NALF1: variants seen among roughly 807,000 people sequenced by gnomAD.
NALF1 encodes the protein NALCN channel auxiliary factor 1.
In NALF1, 3 loss-of-function variants were observed where a neutral mutation model predicts 48.4. That is an observed-to-expected ratio of 0.06 (90% confidence interval 0.03 to 0.16). The LOEUF is 0.16. NALF1 is among the 10% of genes least tolerant of loss of function. NALF1 has a pLI of 1.00. For synonymous variants in NALF1, 262 were observed against 245.7 expected (o/e 1.07, Z -0.62); for missense variants, 526 against 571.5 (o/e 0.92, Z 0.81).
intron 2 of NALF1, among the ~76,000 whole-genome samples, chr13:107,201,819 C>A (rs1028282862): frequency 1.3e-5 from 2 of 152,108 alleles, no homozygotes; most frequent in African/African-American, 4.8e-5. Flanking sequence ...AAAGACATCT[C>A]CCTCACTCCC....
At chr13:107,783,626 G>C (rs990484134) in intron 1 of NALF1, among the ~76,000 whole-genome samples, 8 of 152,098 alleles carry the variant, frequency 5.3e-5, no homozygotes, top group Non-Finnish European at 1.0e-4. Context: ...GATTAAGGGC[G>C]GTGCAAGATG....
intron 1 of NALF1, among the ~76,000 whole-genome samples, chr13:107,670,174 T>C (rs1457104526): frequency 6.6e-6 from 1 of 152,120 alleles, no homozygotes; most frequent in Non-Finnish European, 1.5e-5. Flanking sequence ...GGTGAATTCA[T>C]TATACAGAAG....
intron 1 of NALF1, among the ~76,000 whole-genome samples, chr13:107,724,784 T>C (rs1876101402): frequency 6.6e-6 from 1 of 152,162 alleles, no homozygotes; most frequent in African/African-American, 2.4e-5. Flanking sequence ...TGTCACCATG[T>C]TGCCCAGGCT....
At chr13:107,325,760 G>T (rs1365060377) in intron 1 of NALF1, among the ~76,000 whole-genome samples, 1 of 149,650 alleles carries the variant, frequency 6.7e-6, no homozygotes, top group Non-Finnish European at 1.5e-5. Flanking sequence ...AGGATTGCTT[G>T]AACCTGGTAG....
At chr13:107,828,504 T>TTC (rs1732498951) in intron 1 of NALF1, among the ~76,000 whole-genome samples, 1 of 151,050 alleles carries the variant, frequency 6.6e-6, no homozygotes, top group African/African-American at 2.4e-5. Flanking sequence ...TTTTTTTTTT[T>TTC]TTTCTTTCAA....
chr13:107,286,656 T>C (rs995274924), intron 1 of NALF1, among the ~76,000 whole-genome samples: 1 of 150,326 alleles, frequency 6.7e-6, no homozygotes, highest in African/African-American at 2.4e-5. Flanking sequence ...TGCCCATGAA[T>C]GGATATATAC....
At chr13:107,829,498 G>A (rs1879643229) in intron 1 of NALF1, among the ~76,000 whole-genome samples, 1 of 152,058 alleles carries the variant, frequency 6.6e-6, no homozygotes. Flanking sequence ...TTCCAGTGGT[G>A]AAATAAAATC....
intron 1 of NALF1, among the ~76,000 whole-genome samples, chr13:107,741,583 A>G (rs894797237): frequency 2.6e-5 from 4 of 152,196 alleles, no homozygotes; most frequent in Non-Finnish European, 5.9e-5. Context: ...CAATAATACA[A>G]GGGAACTTTT....
chr13:107,459,404 T>A lies in NALF1; in HGVS notation c.916-248649A>T, dbSNP rs149578466. Among the ~76,000 whole-genome samples the A allele has an allele frequency of 6.2e-3, 941 of 150,776 alleles. 11 individuals carry two copies. The highest frequency in any genetic ancestry group is 0.022 in the African/African-American group (876 of 40,320). On this transcript the variant is annotated intron_variant, in intron 1 of 2. Coordinates refer to ENST00000375915, the MANE Select transcript of NALF1 (RefSeq NM_001080396.3). ...GGTAAAACATACAAATATATATATA[T>A]ATAAGGCCTGTTTTGTTAGTATACA...
At chr13:107,190,313 A>G (rs2138783575) in intron 2 of NALF1, among the ~76,000 whole-genome samples, 1 of 152,306 alleles carries the variant, frequency 6.6e-6, no homozygotes, top group Middle Eastern at 3.4e-3. Flanking sequence ...CTTTGTAAAA[A>G]GAAAACCAGA....
At chr13:107,572,962 A>T (rs1405929012) in intron 1 of NALF1, among the ~76,000 whole-genome samples, 2 of 152,298 alleles carry the variant, frequency 1.3e-5, no homozygotes, top group East Asian at 3.9e-4. Context: ...GGGCTCTTCC[A>T]GACCCCATCT....
intron 2 of NALF1, among the ~76,000 whole-genome samples, chr13:107,176,148 C>G (rs1294949443): frequency 6.6e-6 from 1 of 152,168 alleles, no homozygotes; most frequent in East Asian, 1.9e-4. Flanking sequence ...AAACAAGAAC[C>G]TCCTTGCACA....
chr13:107,416,174 A>T (rs1594051380), intron 1 of NALF1, among the ~76,000 whole-genome samples: 1 of 143,682 alleles, frequency 7.0e-6, no homozygotes. Flanking sequence ...GCCCGGCTAA[A>T]TTTTTTTTTT....
intron 1 of NALF1, among the ~76,000 whole-genome samples, chr13:107,251,005 A>G (rs1430056771): frequency 1.3e-5 from 2 of 152,106 alleles, no homozygotes; most frequent in Non-Finnish European, 2.9e-5. Context: ...CAGAACCGTG[A>G]GCCAACTAAA....
intron 2 of NALF1, among the ~76,000 whole-genome samples, chr13:107,180,772 T>C (rs752165334): frequency 1.3e-5 from 2 of 151,824 alleles, no homozygotes; most frequent in Non-Finnish European, 2.9e-5. Flanking sequence ...AGTGAGATTA[T>C]ATAAAAATAT....
chr13:107,787,221 T>G (rs2138583942), intron 1 of NALF1, among the ~76,000 whole-genome samples: 1 of 152,324 alleles, frequency 6.6e-6, no homozygotes, highest in Non-Finnish European at 1.5e-5. Context: ...CATAACAGAA[T>G]ATATTCTTAT....
intron 1 of NALF1, among the ~76,000 whole-genome samples, chr13:107,344,182 T>G (rs932966836): frequency 6.6e-6 from 1 of 151,872 alleles, no homozygotes; most frequent in Admixed American, 6.6e-5. Flanking sequence ...ATTAAGAAAA[T>G]TGAATCAGTA....
chr13:107,752,963 C>T (rs908203491), intron 1 of NALF1, among the ~76,000 whole-genome samples: 2 of 152,196 alleles, frequency 1.3e-5, no homozygotes, highest in African/African-American at 4.8e-5. Context: ...TCCAAGTAGA[C>T]TTGTGTTACC....
intron 1 of NALF1, among the ~76,000 whole-genome samples, chr13:107,458,046 A>T (rs1176078096): frequency 2.6e-5 from 4 of 152,206 alleles, no homozygotes; most frequent in Admixed American, 6.5e-5. Context: ...CTCAAAACCC[A>T]AAGCAGTGAG....
Sources: allele counts gnomAD v4.1 joint callset (sites outside exome capture counted in the v4.1 genomes callset), GRCh38; gene constraint gnomAD v4.1.1; transcripts MANE v1.5; gene names NCBI Gene and HGNC (gene_info 2026-07-23, HGNC 2026-07-21).